PPP1R21: variants seen among roughly 807,000 people sequenced by gnomAD.
PPP1R21 encodes KLRAQ motif containing 1.
Under a neutral mutation model 112.8 loss-of-function variants are expected in PPP1R21, and 85 were observed. The ratio of observed to expected loss-of-function variants is 0.75; its 90% confidence interval spans 0.63 to 0.90. The LOEUF is 0.90. PPP1R21 is among the 40% of genes least tolerant of loss of function. PPP1R21 has a pLI of 0.00. For synonymous variants in PPP1R21, 381 were observed against 322.3 expected, an observed-to-expected ratio of 1.18 and a Z score of -1.95; for missense variants, 1,199 against 901.5, an observed-to-expected ratio of 1.33 and a Z score of -4.23.
At chr2:48,477,448 G>A (rs1219114296) in intron 12 of PPP1R21, among the ~76,000 whole-genome samples, 1 of 152,110 alleles carries the variant, frequency 6.6e-6, no homozygotes, top group Non-Finnish European at 1.5e-5. Context: ...TATGGTGCCT[G>A]TGCCTATGCA....
In PPP1R21 at chr2:48,475,181, C is replaced by T. The variant is rs142195426; in HGVS notation, c.1225+362C>T. On this transcript the variant is annotated intron_variant, in intron 12 of 21. Transcript: ENST00000294952. ...CATCCTGGGCAGCACAGGGAGACCC[C>T]ATCTCTACAAAAAATTTAAAAATTA... Among the ~76,000 whole-genome samples, 290 of 151,648 alleles carry T rather than the reference C, an allele frequency of 1.9e-3. 3 individuals carry two copies. Among genetic ancestry groups the T allele is most frequent in the African/African-American group, 6.6e-3 (271 of 41,336 alleles).
intron 8 of PPP1R21, 120 bp downstream of exon 8, chr2:48,465,109 C>G: frequency 2.6e-6 from 2 of 773,944 alleles, no homozygotes; most frequent in South Asian, 3.6e-5. Flanking sequence ...TTAACTGTTG[C>G]TTTACGTGTT....
At chr2:48,484,254 G>T (rs1272761694) in intron 13 of PPP1R21, among the ~76,000 whole-genome samples, 1 of 152,150 alleles carries the variant, frequency 6.6e-6, no homozygotes, top group African/African-American at 2.4e-5. Context: ...GGATTTGCCT[G>T]CTTCCTTCTT....
intron 2 of PPP1R21, among the ~76,000 whole-genome samples, 197 bp from the exon 3 acceptor site, chr2:48,454,398 A>C (rs942933737): frequency 2.0e-5 from 3 of 152,184 alleles, no homozygotes; most frequent in Admixed American, 6.5e-5. Context: ...TTATTTTTAT[A>C]TTTACTTGGT....
intron 17 of PPP1R21, among the ~76,000 whole-genome samples, chr2:48,504,759 C>T (rs1056893219): frequency 6.6e-6 from 1 of 152,320 alleles, no homozygotes; most frequent in African/African-American, 2.4e-5. Flanking sequence ...GCCCCACCAC[C>T]TTGAACAATA....
At chr2:48,442,293 AAAG>A (rs1667064141) in intron 1 of PPP1R21, among the ~76,000 whole-genome samples, 1 of 152,216 alleles carries the variant, frequency 6.6e-6, no homozygotes, top group Non-Finnish European at 1.5e-5. Context: ...ACACCTGTGA[AAAG>A]AAGAAAAAAA....
At position 48,498,567 on chromosome 2, in the gene PPP1R21, C is replaced by T. The variant is rs1472197691; in HGVS notation, c.1767C>T (p.Ala589=). The change falls in exon 17 of 22, where the codon GCC becomes GCT. Residue 589 remains alanine, a synonymous_variant. Transcript: ENST00000294952. ...ATTGGATGTTGGAAGCACAATTAGC[C>T]AAAATCAAGCTAGAGAAAGAAAACC... is the stretch of plus-strand genomic sequence containing the variant. ...KEHWMLEAQL[A]KIKLEKENQR... is the part of the protein sequence containing the mutation. The T allele has an allele frequency of 6.2e-7, 1 of 1,614,132 alleles. No individual in the cohort carries two copies. Among genetic ancestry groups the T allele is most frequent in the Non-Finnish European group, 8.5e-7 (1 of 1,180,020 alleles).
chr2:48,490,213 C>T (rs1464667480), intron 14 of PPP1R21, among the ~76,000 whole-genome samples: 3 of 82,764 alleles, frequency 3.6e-5, no homozygotes, highest in Non-Finnish European at 7.6e-5. Flanking sequence ...AGTGAGACGC[C>T]GACTCAAAAA....
At chr2:48,498,107 T>C (rs1669932065) in intron 16 of PPP1R21, among the ~76,000 whole-genome samples, 1 of 152,212 alleles carries the variant, frequency 6.6e-6, no homozygotes, top group African/African-American at 2.4e-5. Context: ...TCAAGTTTTT[T>C]GTTGGGTTTT....
intron 1 of PPP1R21, among the ~76,000 whole-genome samples, chr2:48,450,086 A>G (rs1667408610): frequency 6.6e-6 from 1 of 152,224 alleles, no homozygotes; most frequent in South Asian, 2.1e-4. Flanking sequence ...GTTATTTCTC[A>G]GTATTTAATA....
Position 48,454,643 on chromosome 2 carries a change from A to G in PPP1R21, c.175A>G (p.Met59Val). The G allele has an allele frequency of 6.2e-7, 1 of 1,614,126 alleles. No homozygotes were observed. Among genetic ancestry groups the G allele is most frequent in the Non-Finnish European group, 8.5e-7 (1 of 1,179,950 alleles). The change falls in exon 3 of 22, where the codon ATG becomes GTG. Residue 59 changes from methionine (M) to valine (V), a missense_variant. Transcript: ENST00000294952. ...DQSLRKLQQE[M>V]DSLTFRNLQL... The stretch of plus-strand genomic sequence containing the variant: ...GTCATTGAGAAAACTACAACAGGAA[A>G]TGGACAGTTTGACATTTCGAAATCT...
intron 1 of PPP1R21, 121 bp from the exon 2 acceptor site, chr2:48,450,887 A>T: frequency 8.3e-6 from 6 of 725,878 alleles, no homozygotes; most frequent in South Asian, 3.4e-5. Flanking sequence ...TTTTGTTCTC[A>T]TATATATGTG....
At chr2:48,514,441 T>G (rs1670782064) in intron 21 of PPP1R21, among the ~76,000 whole-genome samples, 1 of 152,208 alleles carries the variant, frequency 6.6e-6, no homozygotes, top group Non-Finnish European at 1.5e-5. Flanking sequence ...GTAGTTTTGA[T>G]AAATCCAAGA....
chr2:48,455,886 C>T (rs111454574), intron 3 of PPP1R21, among the ~76,000 whole-genome samples: 9,779 of 151,722 alleles, frequency 0.064, 456 homozygotes, highest in Admixed American at 0.16. Flanking sequence ...TGTTGGCAGG[C>T]GCCTATAGTT....
intron 13 of PPP1R21, among the ~76,000 whole-genome samples, chr2:48,480,450 T>C (rs996172285): frequency 6.6e-6 from 1 of 152,272 alleles, no homozygotes. Flanking sequence ...ATATTTTAAA[T>C]GCCTTTTAAA....
chr2:48,455,501 A>T (rs1009547050), intron 3 of PPP1R21, among the ~76,000 whole-genome samples: 4 of 151,924 alleles, frequency 2.6e-5, no homozygotes, highest in African/African-American at 4.8e-5. Context: ...AAGAAAGCAG[A>T]CTCTTATTAT....
chr2:48,440,905 A>G lies in PPP1R21; in HGVS notation c.-49A>G, dbSNP rs770315891. The G allele has an allele frequency of 1.0e-5, 13 of 1,248,034 alleles. No homozygotes were observed. Among genetic ancestry groups the G allele is most frequent in the Non-Finnish European group, 1.4e-5 (12 of 886,304 alleles). 77.3% of individuals were successfully genotyped at this position (1,248,034 alleles called of 1,614,324 possible). On this transcript the variant is annotated 5_prime_UTR_variant, in exon 1 of 22. Coordinates refer to ENST00000294952, the MANE Select transcript of PPP1R21 (RefSeq NM_001135629.3). ...GCGTGTCTGGGTTTGGGGGCGGGAG[A>G]CAGGCTGAGCCGCCTGGGCGGCCTG...
Position 48,488,386 on chromosome 2 carries a change from A to G in PPP1R21, c.1446+1628A>G, listed in dbSNP as rs1669406132. On this transcript the variant is annotated intron_variant, in intron 14 of 21. Transcript: ENST00000294952. ...TTGCCAACTTTTTTTTTTTTTTTTGAGACGGAGTCTTGCTCTGTTGCCCAG... is the reference window on the plus strand; with the variant it reads ...TTGCCAACTTTTTTTTTTTTTTTTGGGACGGAGTCTTGCTCTGTTGCCCAG... 2.1e-5 allele frequency among the ~76,000 whole-genome samples: 3 copies of G among 141,736 alleles called. No homozygotes were observed. The South Asian group carries it at 6.6e-4, about 31-fold the overall frequency. The allele number at this position is 141,736 out of a possible 152,430, so 93.0% of individuals were successfully genotyped here.
chr2:48,493,490 A>C (rs1276980122), intron 15 of PPP1R21, among the ~76,000 whole-genome samples: 7 of 152,170 alleles, frequency 4.6e-5, no homozygotes, highest in Non-Finnish European at 1.0e-4. Flanking sequence ...ATTCTTAGCC[A>C]GGGTTGATTT....
Sources: allele counts gnomAD v4.1 joint callset (sites outside exome capture counted in the v4.1 genomes callset), GRCh38; gene constraint gnomAD v4.1.1; transcripts MANE v1.5; gene names NCBI Gene and HGNC (gene_info 2026-07-23, HGNC 2026-07-21).